KANK1: variants seen among roughly 807,000 people sequenced by gnomAD.
KANK1 encodes KN motif and ankyrin repeat domains 1.
KANK1 carries 109 observed loss-of-function variants against 106.2 expected under a neutral mutation model. The observed-to-expected ratio is 1.03, with a 90% CI of 0.88 to 1.20. KANK1 has a LOEUF of 1.20. KANK1 is among the 50% of genes most tolerant of loss of function. The pLI, the probability that KANK1 is intolerant of heterozygous loss-of-function variation, is 0.00. For synonymous variants in KANK1, 873 were observed against 652.2 expected (o/e 1.34, Z -5.16); for missense variants, 2,399 against 1,710.7 (o/e 1.40, Z -7.10).
At chr9:614,892 C>G (rs1831427472) in intron 1 of KANK1, among the ~76,000 whole-genome samples, 1 of 152,098 alleles carries the variant, frequency 6.6e-6, no homozygotes, top group African/African-American at 2.4e-5. Flanking sequence ...TGTGATTACT[C>G]CTACATACAA....
At chr9:637,563 G>A (rs1837444926) in intron 1 of KANK1, among the ~76,000 whole-genome samples, 1 of 152,170 alleles carries the variant, frequency 6.6e-6, no homozygotes, top group South Asian at 2.1e-4. Flanking sequence ...CTGGGGTGAA[G>A]CCTGAGAATT....
chr9:709,039 G>A (rs989093069), intron 2 of KANK1, among the ~76,000 whole-genome samples: 1 of 152,230 alleles, frequency 6.6e-6, no homozygotes, highest in African/African-American at 2.4e-5. Context: ...ACATGATCCA[G>A]TGGTTGGAGT....
At chr9:635,007 G>A (rs763688467) in intron 1 of KANK1, among the ~76,000 whole-genome samples, 3 of 152,092 alleles carry the variant, frequency 2.0e-5, no homozygotes, top group Admixed American at 6.5e-5. Flanking sequence ...ATTTCCAGAC[G>A]CACCCTAGAG....
intron 1 of KANK1, among the ~76,000 whole-genome samples, chr9:627,707 C>T (rs1465053952): frequency 2.0e-5 from 3 of 152,104 alleles, no homozygotes; most frequent in Admixed American, 2.0e-4. Flanking sequence ...TTCAGGGGGA[C>T]CAGAGGGTGG....
chr9:665,719 A>T (rs1844413433), intron 1 of KANK1, among the ~76,000 whole-genome samples: 1 of 152,130 alleles, frequency 6.6e-6, no homozygotes, highest in Non-Finnish European at 1.5e-5. Context: ...TTTGATAGGG[A>T]TTACATTGAA....
chr9:558,350 G>C (rs1239618355), intron 1 of KANK1, among the ~76,000 whole-genome samples: 1 of 152,222 alleles, frequency 6.6e-6, no homozygotes. Flanking sequence ...GACATAATTA[G>C]TGAATACTGA....
intron 3 of KANK1, among the ~76,000 whole-genome samples, chr9:497,621 G>C (rs1220832464): frequency 6.6e-6 from 1 of 152,146 alleles, no homozygotes; most frequent in Admixed American, 6.5e-5. Context: ...GGAAGGCTGA[G>C]GTGGGCAGAT....
chr9:565,832 A>G (rs1817666017), intron 1 of KANK1, among the ~76,000 whole-genome samples: 1 of 152,190 alleles, frequency 6.6e-6, no homozygotes, highest in South Asian at 2.1e-4. Flanking sequence ...TTCCAGAACA[A>G]TGGCTGGTTA....
At chr9:519,230 C>A (rs1457319827) in intron 1 of KANK1, among the ~76,000 whole-genome samples, 1 of 151,678 alleles carries the variant, frequency 6.6e-6, no homozygotes, top group African/African-American at 2.4e-5. Context: ...TGTGTCTTTT[C>A]CCCCAAAGCC....
At chr9:649,551 T>G (rs1840428424) in intron 1 of KANK1, among the ~76,000 whole-genome samples, 1 of 152,180 alleles carries the variant, frequency 6.6e-6, no homozygotes, top group South Asian at 2.1e-4. Flanking sequence ...AGTGCCTGAT[T>G]ATAGCTACAC....
intron 1 of KANK1, among the ~76,000 whole-genome samples, chr9:513,758 C>T (rs984287254): frequency 1.3e-5 from 2 of 152,112 alleles, no homozygotes; most frequent in Non-Finnish European, 2.9e-5. Context: ...GCAATTAGAA[C>T]AAAAGTAGAT....
At chr9:556,110 A>G (rs533213021) in intron 1 of KANK1, among the ~76,000 whole-genome samples, 2 of 152,144 alleles carry the variant, frequency 1.3e-5, no homozygotes, top group East Asian at 1.9e-4. Flanking sequence ...CCTTGGGGGG[A>G]AAATACCCAA....
chr9:556,883 T>G (rs1309806471), intron 1 of KANK1, among the ~76,000 whole-genome samples: 1 of 152,206 alleles, frequency 6.6e-6, no homozygotes, highest in Non-Finnish European at 1.5e-5. Flanking sequence ...GTCTCAGTAA[T>G]GACATGCAGT....
chr9:744,877 A>C (rs1176724020), intron 11 of KANK1: 4 of 1,411,638 alleles, frequency 2.8e-6, no homozygotes, highest in Non-Finnish European at 3.7e-6. Flanking sequence ...CCCTGAGCCC[A>C]TGGGGATATT....
chr9:470,599 G>C (rs2058000386), exon 2 of KANK1: 1 of 152,326 alleles, frequency 6.6e-6, no homozygotes, highest in African/African-American at 2.4e-5. Context: ...CGAAGACTTC[G>C]GAGGGAAGCA....
chr9:640,323 C>A (rs1384516233), intron 1 of KANK1, among the ~76,000 whole-genome samples: 2 of 151,482 alleles, frequency 1.3e-5, no homozygotes, highest in Admixed American at 6.6e-5. Flanking sequence ...GCAGCCTCCA[C>A]CTCCTGGGTT....
At chr9:717,877 AT>A (rs1237141324) in intron 3 of KANK1, among the ~76,000 whole-genome samples, 15 of 152,220 alleles carry the variant, frequency 9.9e-5, no homozygotes, top group African/African-American at 3.4e-4. Flanking sequence ...TAACAGTGGA[AT>A]TTAACTGCCT....
At chr9:584,198 G>A (rs996291274) in intron 1 of KANK1, among the ~76,000 whole-genome samples, 1 of 152,088 alleles carries the variant, frequency 6.6e-6, no homozygotes, top group African/African-American at 2.4e-5. Context: ...AAGCATACAA[G>A]ACTATTAAAT....
intron 3 of KANK1, among the ~76,000 whole-genome samples, chr9:477,386 G>T (rs1374587172): frequency 6.6e-6 from 1 of 151,634 alleles, no homozygotes; most frequent in Non-Finnish European, 1.5e-5. Flanking sequence ...AGAGGTTGGA[G>T]ATAAAGAAAA....
Sources: gnomAD v4.1 joint callset for allele counts (sites outside exome capture counted in the v4.1 genomes callset) on GRCh38, gnomAD v4.1.1 for gene constraint, MANE v1.5 for transcripts, NCBI Gene and HGNC (gene_info 2026-07-23, HGNC 2026-07-21) for gene names.